TTC4: variants seen among roughly 807,000 people sequenced by gnomAD.
TTC4 encodes the protein tetratricopeptide repeat domain 4, also known as hsp70/Hsp90 co-chaperone CNS1 homolog.
In TTC4, 36 loss-of-function variants were observed where a neutral mutation model predicts 51.9. The ratio of observed to expected loss-of-function variants is 0.69; its 90% CI spans 0.53 to 0.92. The LOEUF (loss-of-function observed/expected upper bound fraction) is 0.92. TTC4 is among the 40% of genes least tolerant of loss of function. TTC4 has a pLI of 0.00. For missense variants in TTC4, 399 were observed against 454.6 expected (o/e 0.88, Z 1.11); for synonymous variants, 144 against 164.2 (o/e 0.88, Z 0.94).
intron 3 of TTC4, among the ~76,000 whole-genome samples, chr1:54,719,553 A>G (rs1012977526): frequency 5.9e-5 from 9 of 152,070 alleles, no homozygotes; most frequent in Admixed American, 5.2e-4. Context: ...ATTTTTTTCC[A>G]TGGTTGAGAT....
At chr1:54,728,307 C>T (rs1423695322) in intron 5 of TTC4, 39 bp from the exon 6 acceptor site, 9 of 1,579,248 alleles carry the variant, frequency 5.7e-6, no homozygotes, top group Admixed American at 1.7e-5. Context: ...AAGAGGAAGC[C>T]AGGTCTCTAG....
chr1:54,731,572 C>A lies in TTC4; in HGVS notation c.768C>A (p.Leu256=), dbSNP rs780924311. ...TAGGTGAGCTTTTCCTGGATGGACT[C>A]AGCACTGAGAACCCCCATGGAGCCA... ...EGLGELFLDG[L]STENPHGARL... The change falls in exon 7 of 10, where the codon CTC becomes CTA. Residue 256 remains leucine (L), a synonymous_variant. Coordinates refer to ENST00000371281, the MANE Select transcript of TTC4 (RefSeq NM_004623.5). 1.2e-6 allele frequency: 2 copies of A among 1,614,074 alleles called. No homozygotes were observed. The highest frequency in any genetic ancestry group is 1.7e-6 in the Non-Finnish European group (2 of 1,180,008).
intron 3 of TTC4, among the ~76,000 whole-genome samples, chr1:54,719,442 C>T (rs1467869398): frequency 4.6e-5 from 7 of 152,190 alleles, no homozygotes; most frequent in Admixed American, 2.0e-4. Context: ...GTGTTCTTCT[C>T]ATTTTCTTTG....
chr1:54,733,746 AATTTTTT>A (rs1645898975), intron 8 of TTC4, 36 bp downstream of exon 8: 13 of 1,078,774 alleles, frequency 1.2e-5, no homozygotes, highest in African/African-American at 5.2e-5. Context: ...CTATGGAATT[AATTTTTT>A]TTTTTTTTTT....
chr1:54,735,966 G>A (rs540526103), intron 8 of TTC4, among the ~76,000 whole-genome samples: 25 of 152,206 alleles, frequency 1.6e-4, no homozygotes, highest in Middle Eastern at 3.4e-3. Context: ...TTCAGATTGC[G>A]CTTTCCTTGC....
At chr1:54,735,001 A>G (rs1029278229) in intron 8 of TTC4, among the ~76,000 whole-genome samples, 1 of 152,096 alleles carries the variant, frequency 6.6e-6, no homozygotes, top group Non-Finnish European at 1.5e-5. Context: ...CACATACTGT[A>G]TTTAGTGATC....
intron 7 of TTC4, among the ~76,000 whole-genome samples, chr1:54,733,295 C>T (rs1570058187): frequency 6.6e-6 from 1 of 151,774 alleles, no homozygotes; most frequent in South Asian, 2.1e-4. Flanking sequence ...TGGCATGTGC[C>T]TGTAGTCTCA....
intron 3 of TTC4, among the ~76,000 whole-genome samples, chr1:54,719,254 A>T (rs1645714456): frequency 7.7e-6 from 1 of 129,336 alleles, no homozygotes; most frequent in Non-Finnish European, 1.6e-5. Context: ...ACCCACCTTC[A>T]CCCCCACTTC....
intron 5 of TTC4, among the ~76,000 whole-genome samples, chr1:54,726,595 CA>C (rs1331014610): frequency 4.6e-5 from 7 of 152,020 alleles, no homozygotes; most frequent in African/African-American, 1.4e-4. Flanking sequence ...TAAATAGCAT[CA>C]AAAAACACTT....
chr1:54,722,623 G>C (rs1570038611), intron 4 of TTC4, 52 bp from the exon 5 acceptor site: 2 of 1,602,738 alleles, frequency 1.2e-6, no homozygotes, highest in East Asian at 4.5e-5. Context: ...GCCCAAAGCA[G>C]GTTCTTTCCA....
At chr1:54,733,746 AATTTTT>A in intron 8 of TTC4, 36 bp downstream of exon 8, 2 of 1,078,834 alleles carry the variant, frequency 1.9e-6, no homozygotes, top group African/African-American at 1.7e-5. Flanking sequence ...CTATGGAATT[AATTTTT>A]TTTTTTTTTT....
At chr1:54,726,969 T>A (rs1165154798) in intron 5 of TTC4, among the ~76,000 whole-genome samples, 1 of 151,676 alleles carries the variant, frequency 6.6e-6, no homozygotes, top group African/African-American at 2.4e-5. Context: ...AAAAGTCCAA[T>A]TGGCTTCTCT....
intron 4 of TTC4, among the ~76,000 whole-genome samples, chr1:54,722,417 A>G (rs928223732): frequency 5.3e-5 from 8 of 152,190 alleles, no homozygotes; most frequent in South Asian, 4.1e-4. Context: ...CCACTAAGTT[A>G]TAGCTTTTCC....
In TTC4 at chr1:54,741,978, T is replaced by C. The variant is rs1557756706; in HGVS notation, c.*465T>C. On this transcript the variant is annotated 3_prime_UTR_variant, in exon 10 of 10. Transcript: ENST00000371281. The stretch of plus-strand genomic sequence containing the variant: ...GAGACCCTGGCCTCAAGTTATTTCA[T>C]GCGCACAGAGGGAAGCCATGTGGGG... The C allele has an allele frequency of 6.2e-6, 1 of 162,210 alleles. No homozygotes were observed. The highest frequency in any genetic ancestry group is 1.3e-5 in the Non-Finnish European group (1 of 74,954). The allele number at this position is 162,210 out of a possible 1,614,324, so 10.0% of individuals were successfully genotyped here. A position where few individuals can be genotyped will look rare whatever the true frequency, so the allele number is the denominator to read the frequency against.
chr1:54,718,075 A>C (rs933776883), intron 3 of TTC4, among the ~76,000 whole-genome samples: 5 of 152,100 alleles, frequency 3.3e-5, no homozygotes, highest in African/African-American at 9.7e-5. Flanking sequence ...GTTCTGTGGG[A>C]CCTTTGAGTT....
In TTC4 at chr1:54,741,439, T is replaced by A. The variant is rs756886695; in HGVS notation, c.1090T>A (p.Phe364Ile). 2 of 1,614,120 alleles carry A rather than the reference T, an allele frequency of 1.2e-6. No homozygotes were observed. The highest frequency in any genetic ancestry group is 1.7e-6 in the Non-Finnish European group (2 of 1,179,984). Reference protein sequence around the residue: ...RYFVKALTPAFLVCVGSSPFC... With the variant: ...RYFVKALTPAILVCVGSSPFC... The stretch of plus-strand genomic sequence containing the variant: ...CTTTGTAAAAGCCCTGACACCAGCA[T>A]TTTTGGTCTGTGTAGGATCCTCTCC... The change falls in exon 10 of 10, where the codon TTT becomes ATT. Residue 364 changes from phenylalanine (F) to isoleucine (I), a missense_variant. Phe to Ile is a conservative substitution (Grantham distance 21, BLOSUM62 0). This residue lies in a region of TTC4 where 64 missense variants were observed against 61.3 expected (regional missense o/e 1.04). Transcript: ENST00000371281.
chr1:54,727,581 G>A (rs1276121667), intron 5 of TTC4, among the ~76,000 whole-genome samples: 1 of 151,570 alleles, frequency 6.6e-6, no homozygotes, highest in East Asian at 1.9e-4. Flanking sequence ...GCCAGATGCA[G>A]TGGCTCACAC....
chr1:54,716,617 C>A lies in TTC4; in HGVS notation c.129C>A (p.Pro43=). ...ATTTACAGGAATTTGAAAAGGTCCC[C>A]CTATTTATGTCGAGAGCGCCATCAG... ...DQWEKEFEKV[P]LFMSRAPSEI... Residue 43 remains proline, a synonymous_variant, in exon 2 of 10, where the codon CCC becomes CCA. Coordinates refer to ENST00000371281, the MANE Select transcript of TTC4 (RefSeq NM_004623.5). The A allele has an allele frequency of 1.2e-6, 2 of 1,613,028 alleles. No individual in the cohort carries two copies. The highest frequency in any genetic ancestry group is 1.7e-6 in the Non-Finnish European group (2 of 1,179,706).
chr1:54,740,190 T>A (rs1346606749), intron 9 of TTC4, among the ~76,000 whole-genome samples: 1 of 152,098 alleles, frequency 6.6e-6, no homozygotes, highest in Non-Finnish European at 1.5e-5. Context: ...CCCAAAAAAA[T>A]TACAGAGTAA....
Sources: gnomAD v4.1 joint callset for allele counts (sites outside exome capture counted in the v4.1 genomes callset) on GRCh38, gnomAD v4.1.1 for gene constraint, gnomAD v4.1.1 regional missense constraint, MANE v1.5 for transcripts, NCBI Gene and HGNC (gene_info 2026-07-23, HGNC 2026-07-21) for gene names.